NRXN3: variants seen among roughly 807,000 people sequenced by gnomAD.
NRXN3 encodes neurexin III.
In NRXN3, 32 loss-of-function variants were observed where a neutral mutation model predicts 137.6. That is an observed-to-expected ratio of 0.23 (90% CI 0.18 to 0.31). NRXN3 has a LOEUF of 0.31. Ranked by LOEUF, NRXN3 falls within the 10% of genes least tolerant of loss-of-function variation. The pLI is 1.00. For missense variants in NRXN3, 1,574 were observed against 2,062.5 expected (o/e 0.76, Z 4.59); for synonymous variants, 798 against 784.5 (o/e 1.02, Z -0.29).
chr14:78,659,314 G>T (rs2097813655), intron 6 of NRXN3, among the ~76,000 whole-genome samples: 1 of 152,098 alleles, frequency 6.6e-6, no homozygotes, highest in Non-Finnish European at 1.5e-5. Context: ...AAGTCAACCA[G>T]TCTGTGGTAT....
intron 4 of NRXN3, among the ~76,000 whole-genome samples, chr14:78,493,307 A>G (rs1206924064): frequency 6.6e-6 from 1 of 151,578 alleles, no homozygotes; most frequent in East Asian, 1.9e-4. Context: ...GGATCACCTG[A>G]AATCAGGAGT....
chr14:78,568,633 A>G (rs1013706909), intron 4 of NRXN3, among the ~76,000 whole-genome samples: 1 of 152,206 alleles, frequency 6.6e-6, no homozygotes, highest in Admixed American at 6.5e-5. Flanking sequence ...TGTTTGACTT[A>G]AGTAGATTTG....
intron 15 of NRXN3, among the ~76,000 whole-genome samples, chr14:79,055,990 T>C (rs1170881623): frequency 6.6e-6 from 1 of 152,182 alleles, no homozygotes; most frequent in Non-Finnish European, 1.5e-5. Context: ...AAGTGAAATG[T>C]TTAAAGAAGC....
intron 10 of NRXN3, among the ~76,000 whole-genome samples, chr14:78,878,228 C>G (rs980346259): frequency 2.0e-5 from 3 of 152,140 alleles, no homozygotes; most frequent in African/African-American, 4.8e-5. Context: ...CAAAAGTACA[C>G]TGATCTACTT....
intron 4 of NRXN3, among the ~76,000 whole-genome samples, chr14:78,322,512 C>T (rs1228238503): frequency 6.6e-6 from 1 of 151,972 alleles, no homozygotes; most frequent in Non-Finnish European, 1.5e-5. Context: ...CCGTGATATA[C>T]CACCTTCTGT....
At chr14:79,062,620 C>T (rs55874922) in intron 15 of NRXN3, among the ~76,000 whole-genome samples, 2,964 of 152,288 alleles carry the variant, frequency 0.019, 33 homozygotes, top group Non-Finnish European at 0.03. Context: ...ACACAAAGTG[C>T]GTCTCTGGTG....
At chr14:79,054,276 G>A (rs1268837312) in intron 15 of NRXN3, among the ~76,000 whole-genome samples, 3 of 151,882 alleles carry the variant, frequency 2.0e-5, no homozygotes, top group Admixed American at 2.0e-4. Context: ...AAACCTGCAC[G>A]TTATGCACAT....
intron 15 of NRXN3, among the ~76,000 whole-genome samples, chr14:79,125,044 A>T (rs1024666601): frequency 1.3e-5 from 2 of 152,208 alleles, no homozygotes; most frequent in African/African-American, 2.4e-5. Flanking sequence ...TAATGTGTTT[A>T]TACATATGTA....
chr14:78,791,882 G>A (rs2098806135), intron 8 of NRXN3, among the ~76,000 whole-genome samples: 1 of 152,070 alleles, frequency 6.6e-6, no homozygotes, highest in Admixed American at 6.6e-5. Context: ...GAAAAAAAGT[G>A]TATAGAACTC....
intron 6 of NRXN3, among the ~76,000 whole-genome samples, chr14:78,662,723 G>T (rs1016443971): frequency 6.6e-6 from 1 of 152,220 alleles, no homozygotes; most frequent in African/African-American, 2.4e-5. Context: ...GGTTCATCAT[G>T]TGGAAGACTT....
intron 2 of NRXN3, among the ~76,000 whole-genome samples, chr14:78,254,356 A>C (rs921454545): frequency 1.3e-5 from 2 of 152,076 alleles, no homozygotes; most frequent in Non-Finnish European, 2.9e-5. Context: ...ATTTCCAAGG[A>C]GCTTCCTGGA....
intron 15 of NRXN3, among the ~76,000 whole-genome samples, chr14:79,253,337 C>G (rs1242902574): frequency 6.6e-6 from 1 of 152,102 alleles, no homozygotes; most frequent in Non-Finnish European, 1.5e-5. Flanking sequence ...GTTGCCAGTT[C>G]TGTGGGGAAT....
At chr14:79,388,646 G>C (rs945287062) in intron 15 of NRXN3, among the ~76,000 whole-genome samples, 3 of 151,934 alleles carry the variant, frequency 2.0e-5, no homozygotes, top group African/African-American at 7.3e-5. Context: ...TGTATCCAGG[G>C]ACTCCAGTTC....
At chr14:78,819,036 T>C (rs1166643720) in intron 10 of NRXN3, among the ~76,000 whole-genome samples, 1 of 152,170 alleles carries the variant, frequency 6.6e-6, no homozygotes, top group Non-Finnish European at 1.5e-5. Flanking sequence ...ACTTAGGGAT[T>C]TTCCTGATTT....
chr14:78,525,970 T>C (rs1373532225), intron 4 of NRXN3, among the ~76,000 whole-genome samples: 1 of 152,228 alleles, frequency 6.6e-6, no homozygotes, highest in Non-Finnish European at 1.5e-5. Context: ...TCTGGATTCC[T>C]GACTGAAAGG....
rs563597930 is a variant in NRXN3, at chr14:79,384,009, G to A, written c.3263-83212G>A. Among the ~76,000 whole-genome samples the A allele has an allele frequency of 8.3e-4, 126 of 152,190 alleles. 1 individual carries two copies. Among genetic ancestry groups the A allele is most frequent in the African/African-American group, 2.9e-3 (120 of 41,538 alleles). On this transcript the variant is annotated intron_variant, in intron 15 of 20. Coordinates refer to ENST00000335750, the MANE Select transcript of NRXN3 (RefSeq NM_001330195.2). ...TTATGCTGGAAGTCCTCTTAGCTGC[G>A]AAATCAAGTTTGAATGTCTGTTACC...
At chr14:79,620,685 G>A (rs1421472716) in intron 16 of NRXN3, among the ~76,000 whole-genome samples, 1 of 152,124 alleles carries the variant, frequency 6.6e-6, no homozygotes, top group Non-Finnish European at 1.5e-5. Context: ...GGAGGAAAGA[G>A]AAAATGAGGG....
chr14:78,610,393 C>T (rs989247921), intron 4 of NRXN3, among the ~76,000 whole-genome samples: 2 of 152,222 alleles, frequency 1.3e-5, no homozygotes, highest in African/African-American at 2.4e-5. Context: ...TCCTGCTCTT[C>T]CAAGGGCGTA....
chr14:78,624,927 C>T (rs140115212), intron 4 of NRXN3, among the ~76,000 whole-genome samples: 2,328 of 152,172 alleles, frequency 0.015, 181 homozygotes, highest in Admixed American at 0.13. Flanking sequence ...CTGCAACCTC[C>T]GCCTCCCAGG....
Sources: gnomAD v4.1 joint callset for allele counts (sites outside exome capture counted in the v4.1 genomes callset) on GRCh38, gnomAD v4.1.1 for gene constraint, MANE v1.5 for transcripts, NCBI Gene and HGNC (gene_info 2026-07-23, HGNC 2026-07-21) for gene names.